BAZ2B: variants seen among roughly 807,000 people sequenced by gnomAD.
BAZ2B encodes bromodomain adjacent to zinc finger domain protein 2B.
BAZ2B carries 91 observed loss-of-function variants against 246.0 expected under a neutral mutation model. The ratio of observed to expected loss-of-function variants is 0.37; its 90% CI spans 0.31 to 0.44. The LOEUF is 0.44. BAZ2B is among the 20% of genes least tolerant of loss of function. BAZ2B has a pLI of 1.00. For synonymous variants in BAZ2B, 855 were observed against 860.0 expected (o/e 0.99, Z 0.10); for missense variants, 2,332 against 2,533.7 (o/e 0.92, Z 1.71).
At chr2:159,333,213 T>C (rs112705120) in intron 33 of BAZ2B, among the ~76,000 whole-genome samples, 17 of 152,290 alleles carry the variant, frequency 1.1e-4, no homozygotes, top group African/African-American at 3.1e-4. Context: ...TATATTGTGA[T>C]AGATTGGAAA....
At chr2:159,421,187 T>TTA (rs397775589) in intron 13 of BAZ2B, among the ~76,000 whole-genome samples, 3 of 151,890 alleles carry the variant, frequency 2.0e-5, no homozygotes, top group African/African-American at 2.4e-5. Flanking sequence ...TTTTTTTTTT[T>TTA]AATTAGAGAC....
intron 1 of BAZ2B, among the ~76,000 whole-genome samples, chr2:159,587,767 G>A (rs750779938): frequency 6.6e-6 from 1 of 152,106 alleles, no homozygotes; most frequent in Non-Finnish European, 1.5e-5. Flanking sequence ...CTACTAGTCT[G>A]CGAACAGAAA....
At chr2:159,659,220 C>T in the BAZ2B span, among the ~76,000 whole-genome samples, 14 of 152,152 alleles carry the variant, frequency 9.2e-5, no homozygotes, top group Non-Finnish European at 1.8e-4. Flanking sequence ...TTCAACATTA[C>T]TCAGGGGTCA....
chr2:159,448,446 A>C, intron 4 of BAZ2B, 37 bp from the exon 5 acceptor site: 1 of 1,512,402 alleles, frequency 6.6e-7, no homozygotes, highest in African/African-American at 1.4e-5. Context: ...AAAAATATAT[A>C]AATTAACTTT....
intron 1 of BAZ2B, among the ~76,000 whole-genome samples, chr2:159,559,984 A>T (rs1381702806): frequency 1.3e-5 from 2 of 152,170 alleles, no homozygotes; most frequent in African/African-American, 2.4e-5. Context: ...CCTAACTACC[A>T]ATGTGGGAAA....
In BAZ2B at chr2:159,347,103, T is replaced by C. The variant is rs74814107; in HGVS notation, c.5454+383A>G. 1.3e-3 allele frequency among the ~76,000 whole-genome samples: 193 copies of C among 152,230 alleles called. 2 individuals carry two copies. The highest frequency in any genetic ancestry group is 9.5e-3 in the East Asian group (49 of 5,176). ...CATGGCCCTATATGAAACACTACAA[T>C]AGGAGTTTGATAATATTTGTACTAG... is the stretch of plus-strand genomic sequence containing the variant. On this transcript the variant is annotated intron_variant, in intron 31 of 36. Transcript: ENST00000392783.
intron 1 of BAZ2B, among the ~76,000 whole-genome samples, chr2:159,562,870 AT>A (rs1162344341): frequency 1.3e-5 from 2 of 152,168 alleles, no homozygotes; most frequent in East Asian, 1.9e-4. Flanking sequence ...CCCTCGCAAG[AT>A]TGCTTTTTTT....
At chr2:159,530,493 A>G (rs6726515) in intron 2 of BAZ2B, among the ~76,000 whole-genome samples, 3 of 152,084 alleles carry the variant, frequency 2.0e-5, no homozygotes, top group African/African-American at 7.2e-5. Context: ...ATAAAATGCA[A>G]TATTTCTACA....
chr2:159,359,021 G>A (rs917569594), intron 27 of BAZ2B, among the ~76,000 whole-genome samples: 4 of 152,180 alleles, frequency 2.6e-5, no homozygotes, highest in Non-Finnish European at 4.4e-5. Context: ...ATCTAAAATC[G>A]ACACCCTAAC....
rs941131181 is a variant in BAZ2B, at chr2:159,462,445, G to T, written c.146-8644C>A. 5.2e-5 allele frequency: 63 copies of T among 1,215,242 alleles called. No homozygotes were observed. The African/African-American group carries it at 8.5e-4, about 16-fold the overall frequency. The allele number at this position is 1,215,242 out of a possible 1,614,324, so 75.3% of individuals were successfully genotyped here. Reference sequence around the variant, plus strand: ...GTTGTAGCTGAGTAATCTTGTTCCAGTCAATTTTGGTGCGGGTAACCGGAA... The same window carrying T: ...GTTGTAGCTGAGTAATCTTGTTCCATTCAATTTTGGTGCGGGTAACCGGAA... On this transcript the variant is annotated intron_variant, in intron 3 of 36. Coordinates refer to ENST00000392783, the MANE Select transcript of BAZ2B (RefSeq NM_013450.4).
At chr2:159,689,320 C>A in the BAZ2B span, 1 of 392,382 alleles carries the variant, frequency 2.5e-6, no homozygotes, top group Admixed American at 3.9e-5. Flanking sequence ...CACCATGAAG[C>A]TCCATGAGTT....
the BAZ2B span, among the ~76,000 whole-genome samples, chr2:159,641,856 T>A: frequency 6.6e-6 from 1 of 152,144 alleles, no homozygotes; most frequent in African/African-American, 2.4e-5. Flanking sequence ...TAATATTATT[T>A]TCATATTTTT....
At chr2:159,416,610 T>C (rs2067764375) in intron 13 of BAZ2B, among the ~76,000 whole-genome samples, 1 of 152,240 alleles carries the variant, frequency 6.6e-6, no homozygotes, top group Non-Finnish European at 1.5e-5. Flanking sequence ...AAGAGTTCTG[T>C]CAACTTTTCT....
intron 1 of BAZ2B, among the ~76,000 whole-genome samples, chr2:159,570,210 A>C (rs915053729): frequency 2.7e-5 from 4 of 148,548 alleles, no homozygotes; most frequent in African/African-American, 5.0e-5. Context: ...CTGGAGACAG[A>C]CTCTCGCTCT....
chr2:159,552,405 T>C (rs1559756487), intron 2 of BAZ2B, among the ~76,000 whole-genome samples: 1 of 152,192 alleles, frequency 6.6e-6, no homozygotes, highest in Non-Finnish European at 1.5e-5. Flanking sequence ...TCACGCCCAT[T>C]GGTGTTATCT....
At chr2:159,576,382 A>G (rs1469654861) in intron 1 of BAZ2B, among the ~76,000 whole-genome samples, 1 of 152,160 alleles carries the variant, frequency 6.6e-6, no homozygotes, top group African/African-American at 2.4e-5. Flanking sequence ...ACAAAGTGAG[A>G]CCCCGTCTTT....
At chr2:159,548,571 GATAA>G (rs761898735) in intron 2 of BAZ2B, among the ~76,000 whole-genome samples, 8 of 152,186 alleles carry the variant, frequency 5.3e-5, no homozygotes, top group Admixed American at 1.3e-4. Flanking sequence ...AAAATCAGTG[GATAA>G]ATAAATATTA....
chr2:159,462,181 T>G (rs2076489471), intron 3 of BAZ2B: 1 of 406,904 alleles, frequency 2.5e-6, no homozygotes, highest in Non-Finnish European at 4.5e-6. Context: ...AGACTTACAC[T>G]TGGATATAGC....
intron 1 of BAZ2B, among the ~76,000 whole-genome samples, chr2:159,585,113 C>T (rs1028536428): frequency 3.3e-5 from 5 of 152,120 alleles, no homozygotes; most frequent in Non-Finnish European, 7.4e-5. Flanking sequence ...AATAAAATAG[C>T]GTTTTCTTGG....
Sources: gnomAD v4.1 joint callset for allele counts (sites outside exome capture counted in the v4.1 genomes callset) on GRCh38, gnomAD v4.1.1 for gene constraint, MANE v1.5 for transcripts, NCBI Gene and HGNC (gene_info 2026-07-23, HGNC 2026-07-21) for gene names.